The following IMMP2L variants were observed in gnomAD, a reference collection of about 807,000 sequenced individuals.
The protein encoded by IMMP2L is mitochondrial inner membrane protease subunit 2.
IMMP2L carries 18 observed loss-of-function variants against 19.3 expected under a neutral mutation model. That is an observed-to-expected ratio of 0.93 (90% CI 0.64 to 1.38). IMMP2L has a LOEUF of 1.38. IMMP2L is among the 40% of genes most tolerant of loss of function. IMMP2L has a pLI of 0.00. For missense variants in IMMP2L, 233 were observed against 218.2 expected, an observed-to-expected ratio of 1.07 and a Z score of -0.43; for synonymous variants, 76 against 73.0, an observed-to-expected ratio of 1.04 and a Z score of -0.21.
chr7:111,240,899 A>C (rs1444479762), intron 3 of IMMP2L, among the ~76,000 whole-genome samples: 1 of 151,978 alleles, frequency 6.6e-6, no homozygotes, highest in Admixed American at 6.6e-5. Flanking sequence ...AGACCTAGTC[A>C]GGCCATGTCT....
intron 3 of IMMP2L, among the ~76,000 whole-genome samples, chr7:111,394,603 G>A (rs747840241): frequency 4.6e-5 from 7 of 152,040 alleles, no homozygotes; most frequent in Non-Finnish European, 1.0e-4. Context: ...TATTCAAGCC[G>A]AAATAAGTTA....
At chr7:111,195,797 C>A (rs1006050559) in intron 3 of IMMP2L, among the ~76,000 whole-genome samples, 1 of 126 alleles carries the variant, frequency 7.9e-3, no homozygotes, top group African/African-American at 0.023. Context: ...ACTGTGTAAT[C>A]AAATTTAATT....
At chr7:110,742,160 T>A (rs149466349) in intron 5 of IMMP2L, among the ~76,000 whole-genome samples, 2,895 of 152,298 alleles carry the variant, frequency 0.019, 36 homozygotes, top group Non-Finnish European at 0.028. Flanking sequence ...TATAAATTAG[T>A]AAGTATTAGT....
At chr7:111,171,247 A>G (rs942929643) in intron 3 of IMMP2L, among the ~76,000 whole-genome samples, 1 of 151,744 alleles carries the variant, frequency 6.6e-6, no homozygotes, top group Non-Finnish European at 1.5e-5. Flanking sequence ...GGTGCACACC[A>G]TGTGGCATAC....
At chr7:111,257,631 T>C (rs1816853899) in intron 3 of IMMP2L, among the ~76,000 whole-genome samples, 1 of 152,130 alleles carries the variant, frequency 6.6e-6, no homozygotes, top group Non-Finnish European at 1.5e-5. Context: ...TTCCAAGATT[T>C]TGCACCTTTC....
At chr7:111,392,545 G>A (rs568787259) in intron 3 of IMMP2L, among the ~76,000 whole-genome samples, 28 of 152,254 alleles carry the variant, frequency 1.8e-4, no homozygotes, top group Non-Finnish European at 3.4e-4. Context: ...CTGACATCAA[G>A]TGAGAAGTGT....
chr7:110,993,329 C>G (rs1228354686), intron 3 of IMMP2L, among the ~76,000 whole-genome samples: 1 of 152,142 alleles, frequency 6.6e-6, no homozygotes, highest in Non-Finnish European at 1.5e-5. Context: ...TATGTCTCTG[C>G]TCTAAACAGG....
intron 3 of IMMP2L, among the ~76,000 whole-genome samples, chr7:111,161,279 C>A (rs1166107678): frequency 6.6e-6 from 1 of 151,638 alleles, no homozygotes; most frequent in Non-Finnish European, 1.5e-5. Flanking sequence ...CAGAAAATGA[C>A]AATAGAACAA....
intron 4 of IMMP2L, among the ~76,000 whole-genome samples, chr7:110,954,394 T>C (rs997825209): frequency 4.6e-5 from 7 of 152,124 alleles, no homozygotes. Flanking sequence ...AATTAATCTT[T>C]GGCTTTTAAT....
At chr7:111,010,477 T>C (rs1824822176) in intron 3 of IMMP2L, among the ~76,000 whole-genome samples, 3 of 152,224 alleles carry the variant, frequency 2.0e-5, no homozygotes, top group Admixed American at 2.0e-4. Context: ...AAGCAGTACA[T>C]CCTAACAGGT....
At chr7:111,198,829 T>C (rs1374772173) in intron 3 of IMMP2L, among the ~76,000 whole-genome samples, 1 of 152,216 alleles carries the variant, frequency 6.6e-6, no homozygotes, top group Non-Finnish European at 1.5e-5. Flanking sequence ...CATATCTTTC[T>C]CTTTCTTTAG....
At chr7:110,787,233 T>A (rs186849235) in intron 5 of IMMP2L, among the ~76,000 whole-genome samples, 2 of 152,054 alleles carry the variant, frequency 1.3e-5, no homozygotes, top group East Asian at 3.9e-4. Flanking sequence ...ATACCCCCAG[T>A]GAAGTATTAA....
chr7:111,300,677 C>G (rs146408545), intron 3 of IMMP2L, among the ~76,000 whole-genome samples: 40 of 152,230 alleles, frequency 2.6e-4, no homozygotes, highest in Non-Finnish European at 4.9e-4. Context: ...TTTGTCATGT[C>G]AAGAATCTTA....
chr7:111,267,981 G>A (rs1344991245), intron 3 of IMMP2L, among the ~76,000 whole-genome samples: 1 of 151,980 alleles, frequency 6.6e-6, no homozygotes, highest in East Asian at 1.9e-4. Flanking sequence ...TTTAAGTATG[G>A]TAATTCAAGA....
rs1554445659 is a variant in IMMP2L at position 110,882,287 on chromosome 7, G to GCCTTCCTTCCCTCCTT, written c.408+4305_408+4306insAAGGAGGGAAGGAAGG. Reference sequence around the variant, plus strand: ...GTCCCAATTCCTCTCTTTGTCAAGTGCCTTCCTTCCTTCCTTCCTTCCTTC... The same window carrying GCCTTCCTTCCCTCCTT: ...GTCCCAATTCCTCTCTTTGTCAAGTGCCTTCCTTCCCTCCTTCCTTCCTTCCTTCCTTCCTTCCTTC... On this transcript the variant is annotated intron_variant, in intron 5 of 5. Transcript: ENST00000405709. Among the ~76,000 whole-genome samples, 407 of 122,162 alleles carry GCCTTCCTTCCCTCCTT rather than the reference G, an allele frequency of 3.3e-3. 7 individuals carry two copies. Among genetic ancestry groups the GCCTTCCTTCCCTCCTT allele is most frequent in the African/African-American group, 0.013 (392 of 30,162 alleles). The allele number at this position is 122,162 out of a possible 152,430, so 80.1% of individuals were successfully genotyped here. A position where few individuals can be genotyped will look rare whatever the true frequency, so the allele number is the denominator to read the frequency against.
chr7:111,236,736 T>C (rs1019990873), intron 3 of IMMP2L, among the ~76,000 whole-genome samples: 1 of 152,108 alleles, frequency 6.6e-6, no homozygotes, highest in Non-Finnish European at 1.5e-5. Flanking sequence ...TCGTCAACCC[T>C]AGACTACCAA....
At chr7:111,427,747 C>CT (rs1451294810) in intron 3 of IMMP2L, among the ~76,000 whole-genome samples, 1 of 151,698 alleles carries the variant, frequency 6.6e-6, no homozygotes, top group Non-Finnish European at 1.5e-5. Context: ...AAATTAAGCA[C>CT]TCTTAATATT....
intron 2 of IMMP2L, among the ~76,000 whole-genome samples, chr7:111,514,297 C>T (rs1845695440): frequency 1.3e-5 from 2 of 151,992 alleles, no homozygotes; most frequent in South Asian, 4.2e-4. Flanking sequence ...ACTGTTCTCA[C>T]TCACAGGTGG....
rs989294031 is a variant in IMMP2L at position 110,799,056 on chromosome 7, G to A, written c.408+87537C>T. On this transcript the variant is annotated intron_variant, in intron 5 of 5. Transcript: ENST00000405709. ...GCTTGTTGTTTTCTAGTGATTTACC[G>A]AATTATAAATAAATTTTGAAAAAAA... Among the ~76,000 whole-genome samples the A allele has an allele frequency of 7.9e-5, 12 of 151,948 alleles. No homozygotes were observed. In the East Asian group the frequency reaches 1.2e-3, roughly 15 times the overall value.
Sources: gnomAD v4.1 joint callset for allele counts (sites outside exome capture counted in the v4.1 genomes callset) on GRCh38, gnomAD v4.1.1 for gene constraint, MANE v1.5 for transcripts, NCBI Gene and HGNC (gene_info 2026-07-23, HGNC 2026-07-21) for gene names.